Variants in NRXN1 observed in about 807,000 individuals in gnomAD.
NRXN1 encodes neurexin-1.
Under a neutral mutation model 150.9 loss-of-function variants are expected in NRXN1, and 39 were observed. That is an observed-to-expected ratio of 0.26 (90% confidence interval 0.20 to 0.34). The LOEUF (loss-of-function observed/expected upper bound fraction) is 0.34. Among genes scored for constraint, NRXN1 ranks in the 10% least tolerant of loss-of-function variants. The pLI is 1.00. For missense variants in NRXN1, 1,815 were observed against 1,949.9 expected, an observed-to-expected ratio of 0.93 and a Z score of 1.30; for synonymous variants, 924 against 757.0, an observed-to-expected ratio of 1.22 and a Z score of -3.62.
chr2:50,244,506 CAT>C (rs2066327958), intron 17 of NRXN1, among the ~76,000 whole-genome samples: 1 of 151,816 alleles, frequency 6.6e-6, no homozygotes, highest in Non-Finnish European at 1.5e-5. Context: ...CATTAACTAA[CAT>C]AGAAAACATT....
chr2:49,977,779 T>A (rs1278367024), intron 21 of NRXN1, among the ~76,000 whole-genome samples: 3 of 152,204 alleles, frequency 2.0e-5, no homozygotes, highest in African/African-American at 4.8e-5. Flanking sequence ...ATAGGTTTTT[T>A]AAAAGAATTA....
chr2:50,534,120 CACACACACAT>C (rs1291375219), intron 10 of NRXN1, among the ~76,000 whole-genome samples: 1 of 152,014 alleles, frequency 6.6e-6, no homozygotes, highest in Non-Finnish European at 1.5e-5. Context: ...CACACACACA[CACACACACAT>C]ACACACACAG....
chr2:50,577,568 C>A (rs888000631), intron 8 of NRXN1, among the ~76,000 whole-genome samples: 3 of 151,942 alleles, frequency 2.0e-5, no homozygotes, highest in Non-Finnish European at 2.9e-5. Flanking sequence ...TTTCAACCTG[C>A]GGCCAAGGTT....
chr2:50,153,955 T>C (rs1365110293), intron 18 of NRXN1, among the ~76,000 whole-genome samples: 1 of 151,666 alleles, frequency 6.6e-6, no homozygotes, highest in Admixed American at 6.6e-5. Context: ...CCTAACACAG[T>C]ATGGGGAGTA....
chr2:50,216,978 A>G (rs1466373048), intron 18 of NRXN1, among the ~76,000 whole-genome samples: 1 of 152,130 alleles, frequency 6.6e-6, no homozygotes, highest in Non-Finnish European at 1.5e-5. Flanking sequence ...GCCTCCACAG[A>G]TGTGGCTAAA....
intron 14 of NRXN1, 109 bp downstream of exon 14, chr2:50,497,224 G>A (rs1476398884): frequency 8.0e-6 from 6 of 750,296 alleles, no homozygotes; most frequent in Non-Finnish European, 1.2e-5. Flanking sequence ...CACCTGCTCC[G>A]GCCCACCACC....
rs1227240097 is a variant in NRXN1, at chr2:49,928,128, TA to T, written c.4217-5878del. Among the ~76,000 whole-genome samples, 1,060 of 145,172 alleles carry T rather than the reference TA, an allele frequency of 7.3e-3. 14 individuals are homozygous for T. The highest frequency in any genetic ancestry group is 0.024 in the African/African-American group (977 of 39,888). ...ATAAAGAAAAAAACATGCTAGTGGT[TA>T]AAAAAAAAAACATAGGCTATATATT... On this transcript the variant is annotated intron_variant, in intron 22 of 22. Coordinates refer to ENST00000401669, the MANE Select transcript of NRXN1 (RefSeq NM_001330078.2).
chr2:50,756,834 T>C (rs957529954), intron 5 of NRXN1, among the ~76,000 whole-genome samples: 2 of 151,832 alleles, frequency 1.3e-5, no homozygotes, highest in African/African-American at 4.8e-5. Flanking sequence ...ATTTTTTCAC[T>C]CTCTTATAAG....
At chr2:50,833,950 A>G (rs1209583469) in intron 5 of NRXN1, among the ~76,000 whole-genome samples, 2 of 152,238 alleles carry the variant, frequency 1.3e-5, no homozygotes, top group African/African-American at 4.8e-5. Flanking sequence ...TAGATACTCC[A>G]GTATGCCTAT....
intron 21 of NRXN1, among the ~76,000 whole-genome samples, chr2:50,051,229 G>A (rs1228719976): frequency 1.3e-5 from 2 of 151,812 alleles, no homozygotes; most frequent in African/African-American, 4.8e-5. Flanking sequence ...AAATGAAACA[G>A]CTGTTTTGTA....
Position 50,732,197 on chromosome 2 carries a change from T to C in NRXN1, c.833-108582A>G, listed in dbSNP as rs1012660273. On this transcript the variant is annotated intron_variant, in intron 5 of 22. Coordinates refer to ENST00000401669, the MANE Select transcript of NRXN1 (RefSeq NM_001330078.2). ...CCATATTTTTACATGCATGTGCCTA[T>C]ACATATGAAAAAAATTGTGTGTTTT... Among the ~76,000 whole-genome samples the C allele has an allele frequency of 2.0e-5, 3 of 152,052 alleles. No individual in the cohort carries two copies. The East Asian group carries it at 5.8e-4, about 29-fold the overall frequency.
intron 21 of NRXN1, among the ~76,000 whole-genome samples, chr2:50,042,217 C>T (rs60918815): frequency 0.012 from 1,752 of 152,164 alleles, 32 homozygotes; most frequent in African/African-American, 0.04. Context: ...AGGACTGATA[C>T]GGTTTGGCTG....
intron 17 of NRXN1, among the ~76,000 whole-genome samples, chr2:50,326,936 A>G (rs772007310): frequency 5.3e-5 from 8 of 152,176 alleles, no homozygotes; most frequent in Non-Finnish European, 1.0e-4. Flanking sequence ...AAACAGAAAC[A>G]CTGTAATTCT....
At chr2:50,225,347 T>C (rs2064269179) in intron 18 of NRXN1, among the ~76,000 whole-genome samples, 1 of 151,994 alleles carries the variant, frequency 6.6e-6, no homozygotes, top group East Asian at 1.9e-4. Flanking sequence ...TTACTATGCA[T>C]CTACTAAGCA....
intron 8 of NRXN1, among the ~76,000 whole-genome samples, chr2:50,605,757 G>T (rs935812917): frequency 6.6e-6 from 1 of 151,704 alleles, no homozygotes; most frequent in Non-Finnish European, 1.5e-5. Context: ...AATAAAAATA[G>T]AATTATTATA....
intron 18 of NRXN1, among the ~76,000 whole-genome samples, chr2:50,176,355 A>G (rs2152806039): frequency 6.6e-6 from 1 of 152,290 alleles, no homozygotes; most frequent in East Asian, 1.9e-4. Context: ...TTTTTAGTTC[A>G]GCATTTCCCA....
chr2:50,054,206 C>G (rs1169553129), intron 20 of NRXN1, among the ~76,000 whole-genome samples: 2 of 151,358 alleles, frequency 1.3e-5, no homozygotes, highest in East Asian at 3.9e-4. Flanking sequence ...AAATATTTTT[C>G]TGATTGGCTT....
intron 15 of NRXN1, among the ~76,000 whole-genome samples, chr2:50,477,027 A>G (rs1356722054): frequency 2.0e-5 from 3 of 152,178 alleles, no homozygotes; most frequent in African/African-American, 7.2e-5. Context: ...TGAGACAAGA[A>G]GAAAGTATGG....
At chr2:49,980,147 C>T (rs1164895523) in intron 21 of NRXN1, among the ~76,000 whole-genome samples, 1 of 152,104 alleles carries the variant, frequency 6.6e-6, no homozygotes, top group Non-Finnish European at 1.5e-5. Context: ...TCTACGACTA[C>T]ATTTTGAATG....
Sources: allele counts gnomAD v4.1 joint callset (sites outside exome capture counted in the v4.1 genomes callset), GRCh38; gene constraint gnomAD v4.1.1; transcripts MANE v1.5; gene names NCBI Gene and HGNC (gene_info 2026-07-23, HGNC 2026-07-21).